The following SYT1 variants were observed in gnomAD, a reference collection of about 807,000 sequenced individuals.
The protein encoded by SYT1 is synaptotagmin 1, also known as synaptotagmin-1.
SYT1 carries 8 observed loss-of-function variants against 44.8 expected under a neutral mutation model. That is an observed-to-expected ratio of 0.18 (90% CI 0.10 to 0.32). SYT1 has a LOEUF of 0.32. SYT1 is among the 10% of genes least tolerant of loss of function. SYT1 has a pLI of 1.00. For synonymous variants in SYT1, 154 were observed against 188.8 expected (o/e 0.82, Z 1.51); for missense variants, 286 against 509.3 (o/e 0.56, Z 4.22).
intron 3 of SYT1, among the ~76,000 whole-genome samples, chr12:79,172,561 A>G (rs538745343): frequency 3.8e-4 from 58 of 151,958 alleles, no homozygotes; most frequent in African/African-American, 1.3e-3. Flanking sequence ...TCTTTCTTCT[A>G]TCTTATAATA....
In SYT1 at chr12:79,292,234, G is replaced by A. The variant is rs529960681; in HGVS notation, c.474+104G>A. 153 of 1,350,992 alleles carry A rather than the reference G, an allele frequency of 1.1e-4. 1 individual carries two copies. The African/African-American group carries it at 2.1e-3, about 18-fold the overall frequency. The allele number at this position is 1,350,992 out of a possible 1,614,324, so 83.7% of individuals were successfully genotyped here. On this transcript the variant is annotated intron_variant, in intron 6 of 10. Transcript: ENST00000261205. ...TAAAATATTTTGTTTGCTGTGAGGG[G>A]AAAATGCAATTATCAAAGCTATGGA...
intron 3 of SYT1, among the ~76,000 whole-genome samples, chr12:79,179,195 GAT>G (rs1343373267): frequency 1.8e-4 from 7 of 39,040 alleles, no homozygotes; most frequent in South Asian, 1.2e-3. Flanking sequence ...TATAGATATA[GAT>G]ATATAGATAT....
intron 1 of SYT1, among the ~76,000 whole-genome samples, chr12:78,930,213 T>C (rs1339908530): frequency 1.3e-5 from 2 of 152,154 alleles, no homozygotes; most frequent in Non-Finnish European, 2.9e-5. Flanking sequence ...AATACATTAA[T>C]TAGACTGGTT....
intron 3 of SYT1, among the ~76,000 whole-genome samples, chr12:79,193,251 G>T (rs891562745): frequency 6.6e-6 from 1 of 152,122 alleles, no homozygotes; most frequent in South Asian, 2.1e-4. Flanking sequence ...TGAAATAGAT[G>T]TATAAATAAT....
chr12:78,947,833 C>T (rs1329616218), intron 1 of SYT1, among the ~76,000 whole-genome samples: 1 of 151,336 alleles, frequency 6.6e-6, no homozygotes, highest in Non-Finnish European at 1.5e-5. Flanking sequence ...GGTTGAGTCT[C>T]TACATGGATG....
intron 3 of SYT1, among the ~76,000 whole-genome samples, chr12:79,135,431 A>G (rs1372078807): frequency 1.3e-5 from 2 of 152,158 alleles, no homozygotes; most frequent in Non-Finnish European, 2.9e-5. Flanking sequence ...CTGCTAGTCA[A>G]TGCATTTATA....
intron 9 of SYT1, among the ~76,000 whole-genome samples, chr12:79,434,536 G>C (rs1262903556): frequency 6.6e-6 from 1 of 152,174 alleles, no homozygotes; most frequent in African/African-American, 2.4e-5. Flanking sequence ...TTAATTATTT[G>C]TATAGTATTA....
At chr12:78,982,320 C>T (rs935701860) in intron 2 of SYT1, among the ~76,000 whole-genome samples, 1 of 152,142 alleles carries the variant, frequency 6.6e-6, no homozygotes, top group African/African-American at 2.4e-5. Context: ...AAGTCTAAAT[C>T]TCCATTACTA....
At chr12:79,224,744 TTTATTTTTTATTATTATTA>T (rs1191147710) in intron 4 of SYT1, among the ~76,000 whole-genome samples, 6,273 of 145,778 alleles carry the variant, frequency 0.043, 272 homozygotes, top group African/African-American at 0.092. Context: ...TTTTTATTTA[TTTATTTTTTATTATTATTA>T]TTATTATTAT....
At chr12:79,424,377 T>G (rs1869307561) in intron 9 of SYT1, among the ~76,000 whole-genome samples, 2 of 152,164 alleles carry the variant, frequency 1.3e-5, no homozygotes, top group Admixed American at 6.5e-5. Context: ...GTATTGTGTT[T>G]GTGTGCTGTG....
At chr12:79,029,271 A>G (rs1187951890) in intron 2 of SYT1, among the ~76,000 whole-genome samples, 4 of 150,878 alleles carry the variant, frequency 2.7e-5, no homozygotes, top group African/African-American at 7.3e-5. Flanking sequence ...ATTACTCCAT[A>G]TATCAGCATC....
chr12:79,171,749 C>T (rs770271783), intron 3 of SYT1, among the ~76,000 whole-genome samples: 2 of 151,884 alleles, frequency 1.3e-5, no homozygotes, highest in Non-Finnish European at 2.9e-5. Context: ...TGGCTATACT[C>T]CTTGCTAGCT....
chr12:79,249,193 T>C (rs970201147), intron 4 of SYT1, among the ~76,000 whole-genome samples: 1 of 140,420 alleles, frequency 7.1e-6, no homozygotes, highest in African/African-American at 2.6e-5. Flanking sequence ...CAAGCTCCGC[T>C]TCCCGGGTTC....
At chr12:79,149,564 A>T (rs1190031326) in intron 3 of SYT1, among the ~76,000 whole-genome samples, 1 of 152,120 alleles carries the variant, frequency 6.6e-6, no homozygotes, top group African/African-American at 2.4e-5. Context: ...CATATAACAT[A>T]TTTTTTTAAT....
At chr12:78,876,901 A>ACG (rs1565697972) in intron 1 of SYT1, among the ~76,000 whole-genome samples, 4 of 108,740 alleles carry the variant, frequency 3.7e-5, no homozygotes, top group African/African-American at 1.5e-4. Context: ...TATATATTAT[A>ACG]TATTATATGT....
intron 7 of SYT1, among the ~76,000 whole-genome samples, 198 bp from the exon 8 acceptor site, chr12:79,299,186 T>A (rs965680188): frequency 2.6e-5 from 4 of 152,148 alleles, no homozygotes; most frequent in African/African-American, 7.2e-5. Context: ...AATAAATCAC[T>A]AAAATTTCCC....
intron 4 of SYT1, among the ~76,000 whole-genome samples, chr12:79,219,605 C>T (rs1875030488): frequency 6.6e-6 from 1 of 152,014 alleles, no homozygotes; most frequent in Non-Finnish European, 1.5e-5. Context: ...AGAGGCTGTT[C>T]TTTCTCCATT....
intron 1 of SYT1, among the ~76,000 whole-genome samples, chr12:78,971,456 G>A (rs1302587599): frequency 1.3e-5 from 2 of 152,040 alleles, no homozygotes; most frequent in Non-Finnish European, 2.9e-5. Context: ...ATAAAAAAAA[G>A]AGTAGATGCA....
At chr12:79,177,997 G>C (rs1296198420) in intron 3 of SYT1, among the ~76,000 whole-genome samples, 1 of 150,672 alleles carries the variant, frequency 6.6e-6, no homozygotes, top group African/African-American at 2.5e-5. Context: ...GTTGTAGGTT[G>C]CCTGTTCACT....
Sources: gnomAD v4.1 joint callset for allele counts (sites outside exome capture counted in the v4.1 genomes callset) on GRCh38, gnomAD v4.1.1 for gene constraint, MANE v1.5 for transcripts, NCBI Gene and HGNC (gene_info 2026-07-23, HGNC 2026-07-21) for gene names.